Variants in CDH13 observed in about 807,000 individuals in gnomAD.
The protein encoded by CDH13 is cadherin-13.
In CDH13, 24 loss-of-function variants were observed where a neutral mutation model predicts 63.8. That is an observed-to-expected ratio of 0.38 (90% CI 0.27 to 0.53). The LOEUF is 0.53. CDH13 is among the 20% of genes least tolerant of loss of function. The pLI, the probability that CDH13 is intolerant of heterozygous loss-of-function variation, is 0.85. For synonymous variants in CDH13, 503 were observed against 355.3 expected, an observed-to-expected ratio of 1.42 and a Z score of -4.67; for missense variants, 1,049 against 903.1, an observed-to-expected ratio of 1.16 and a Z score of -2.07.
At chr16:83,621,330 G>A (rs998612596) in intron 8 of CDH13, among the ~76,000 whole-genome samples, 4 of 152,044 alleles carry the variant, frequency 2.6e-5, no homozygotes, top group African/African-American at 4.8e-5. Flanking sequence ...GCTATTCCTC[G>A]GGGAATACCT....
chr16:83,756,089 C>A (rs184086355), intron 11 of CDH13, among the ~76,000 whole-genome samples: 1 of 152,110 alleles, frequency 6.6e-6, no homozygotes, highest in Non-Finnish European at 1.5e-5. Context: ...TATTGTATAA[C>A]CCTTAGGGTA....
chr16:82,649,778 T>A (rs558429572), intron 1 of CDH13, among the ~76,000 whole-genome samples: 1 of 152,226 alleles, frequency 6.6e-6, no homozygotes, highest in African/African-American at 2.4e-5. Context: ...GACACCAGAC[T>A]GCCTGGGTTT....
chr16:82,795,449 T>A (rs2036535262), intron 1 of CDH13, among the ~76,000 whole-genome samples: 1 of 152,148 alleles, frequency 6.6e-6, no homozygotes, highest in South Asian at 2.1e-4. Flanking sequence ...AACCTCAAAT[T>A]GTCATCCTTA....
chr16:83,087,671 CAAAAAAAAAAA>C (rs67228844), intron 3 of CDH13, among the ~76,000 whole-genome samples: 1 of 43,998 alleles, frequency 2.3e-5, no homozygotes, highest in Non-Finnish European at 3.9e-5. Flanking sequence ...CCCTCCGTCT[CAAAAAAAAAAA>C]AAAAAAAAAA....
At chr16:83,741,488 G>GTGTATA (rs138398661) in intron 10 of CDH13, among the ~76,000 whole-genome samples, 52 of 144,786 alleles carry the variant, frequency 3.6e-4, no homozygotes, top group Middle Eastern at 3.5e-3. Flanking sequence ...ATGTGTGTGT[G>GTGTATA]TATATATATA....
chr16:83,336,515 T>C (rs983963760), intron 5 of CDH13, among the ~76,000 whole-genome samples: 2 of 152,150 alleles, frequency 1.3e-5, no homozygotes, highest in African/African-American at 2.4e-5. Flanking sequence ...GTCTGCAAAA[T>C]AGAAACGGAG....
At chr16:83,070,588 G>C (rs1205213531) in intron 3 of CDH13, among the ~76,000 whole-genome samples, 1 of 152,086 alleles carries the variant, frequency 6.6e-6, no homozygotes. Context: ...AGTTGCTTTA[G>C]AAAAGCAAAC....
chr16:83,786,995 C>T (rs77218064), intron 13 of CDH13, among the ~76,000 whole-genome samples: 1 of 152,188 alleles, frequency 6.6e-6, no homozygotes, highest in South Asian at 2.1e-4. Context: ...GAAACAATAG[C>T]TACCATGAAT....
intron 1 of CDH13, among the ~76,000 whole-genome samples, chr16:82,801,108 G>C (rs2036834900): frequency 6.6e-6 from 1 of 152,014 alleles, no homozygotes; most frequent in African/African-American, 2.4e-5. Flanking sequence ...GAAAATGTTG[G>C]GTTTGTTCTT....
chr16:82,762,998 T>G (rs1286075029), intron 1 of CDH13, among the ~76,000 whole-genome samples: 2 of 152,206 alleles, frequency 1.3e-5, no homozygotes, highest in African/African-American at 4.8e-5. Flanking sequence ...AGGACATTCG[T>G]GGTGCTACTG....
Position 82,627,349 on chromosome 16 carries a change from T to C in CDH13, c.45+212T>C, listed in dbSNP as rs748312207. Among the ~76,000 whole-genome samples, 5,014 of 150,604 alleles carry C rather than the reference T, an allele frequency of 0.033. 142 individuals carry two copies. The highest frequency in any genetic ancestry group is 0.052 in the Non-Finnish European group (3,526 of 67,472). On this transcript the variant is annotated intron_variant, in intron 1 of 13. Transcript: ENST00000567109. ...CCACTCTGGCGTGCGTGTGTGTGTG[T>C]GTGTGTGTGTGTGTGTGTGTGTGTG...
intron 11 of CDH13, among the ~76,000 whole-genome samples, chr16:83,779,169 G>A (rs896136170): frequency 6.6e-6 from 1 of 151,942 alleles, no homozygotes; most frequent in Non-Finnish European, 1.5e-5. Context: ...CACTTTGGGA[G>A]GCCTAGGCAG....
At chr16:83,323,231 TTTCTTTCTTTCC>T (rs1567591314) in intron 5 of CDH13, among the ~76,000 whole-genome samples, 3 of 141,574 alleles carry the variant, frequency 2.1e-5, no homozygotes, top group Non-Finnish European at 3.1e-5. Flanking sequence ...TCTTTCTTTC[TTTCTTTCTTTCC>T]TTCCTTCCTT....
chr16:83,628,009 C>G (rs1486084915), intron 8 of CDH13, among the ~76,000 whole-genome samples: 1 of 152,106 alleles, frequency 6.6e-6, no homozygotes, highest in Admixed American at 6.5e-5. Flanking sequence ...TGTCATAGCG[C>G]TGGTGGGAGT....
At chr16:83,293,109 T>C (rs937470820) in intron 5 of CDH13, among the ~76,000 whole-genome samples, 2 of 152,200 alleles carry the variant, frequency 1.3e-5, no homozygotes, top group Admixed American at 6.5e-5. Flanking sequence ...AGATTCTATT[T>C]TGAATTGCTC....
chr16:83,328,183 A>G (rs2151901090), intron 5 of CDH13, among the ~76,000 whole-genome samples: 1 of 152,252 alleles, frequency 6.6e-6, no homozygotes, highest in East Asian at 1.9e-4. Flanking sequence ...CAAGTGAAAG[A>G]AAAGATGTTG....
intron 1 of CDH13, among the ~76,000 whole-genome samples, chr16:82,641,253 C>G (rs1056088859): frequency 6.6e-6 from 1 of 152,154 alleles, no homozygotes; most frequent in African/African-American, 2.4e-5. Flanking sequence ...TCTGTGCTTC[C>G]CTGCTGAGCC....
chr16:82,894,169 G>T (rs911246041), intron 2 of CDH13, among the ~76,000 whole-genome samples: 1 of 152,078 alleles, frequency 6.6e-6, no homozygotes, highest in South Asian at 2.1e-4. Flanking sequence ...TCTCCAGGCT[G>T]GTCTCGAACT....
At chr16:83,041,979 A>G (rs1917367930) in intron 3 of CDH13, among the ~76,000 whole-genome samples, 1 of 152,126 alleles carries the variant, frequency 6.6e-6, no homozygotes, top group Admixed American at 6.5e-5. Flanking sequence ...CTCTTTCCTG[A>G]TCTCACACGT....
Sources: allele counts gnomAD v4.1 joint callset (sites outside exome capture counted in the v4.1 genomes callset), GRCh38; gene constraint gnomAD v4.1.1; transcripts MANE v1.5; gene names NCBI Gene and HGNC (gene_info 2026-07-23, HGNC 2026-07-21).